Variants in ROBO1 observed in about 807,000 individuals in gnomAD.
The protein encoded by ROBO1 is roundabout homolog 1.
In ROBO1, 149 loss-of-function variants were observed where a neutral mutation model predicts 195.9. The observed-to-expected ratio is 0.76, with a 90% CI of 0.67 to 0.87. The LOEUF (loss-of-function observed/expected upper bound fraction) is 0.87. Ranked by LOEUF, ROBO1 falls within the 40% of genes least tolerant of loss-of-function variation. The pLI is 0.00. For synonymous variants in ROBO1, 816 were observed against 733.2 expected (o/e 1.11, Z -1.82); for missense variants, 1,933 against 2,068.3 (o/e 0.93, Z 1.27).
intron 26 of ROBO1, among the ~76,000 whole-genome samples, chr3:78,624,474 G>A (rs527945722): frequency 1.3e-5 from 2 of 152,158 alleles, no homozygotes; most frequent in East Asian, 3.9e-4. Flanking sequence ...GAGAAAGGCT[G>A]AAAATAGTCA....
At chr3:79,715,505 T>C (rs1213293962) in intron 1 of ROBO1, among the ~76,000 whole-genome samples, 1 of 152,114 alleles carries the variant, frequency 6.6e-6, no homozygotes, top group Non-Finnish European at 1.5e-5. Context: ...TTAACATATG[T>C]ACTTTTTTAG....
intron 2 of ROBO1, among the ~76,000 whole-genome samples, chr3:79,367,626 GATT>G (rs909625394): frequency 6.6e-5 from 10 of 152,260 alleles, no homozygotes; most frequent in African/African-American, 2.2e-4. Context: ...AAACATGGAT[GATT>G]ATAATAGACA....
At chr3:79,639,175 T>C (rs1291502895) in intron 1 of ROBO1, among the ~76,000 whole-genome samples, 1 of 152,184 alleles carries the variant, frequency 6.6e-6, no homozygotes, top group Non-Finnish European at 1.5e-5. Context: ...TATCTGAATA[T>C]CATAGAATAC....
intron 1 of ROBO1, among the ~76,000 whole-genome samples, chr3:79,756,593 G>C (rs984429203): frequency 1.3e-5 from 2 of 151,072 alleles, no homozygotes; most frequent in Admixed American, 1.3e-4. Context: ...TTTTTCTAAG[G>C]GGTAAGGATG....
At chr3:78,858,911 A>C (rs1157244229) in intron 4 of ROBO1, among the ~76,000 whole-genome samples, 2 of 152,332 alleles carry the variant, frequency 1.3e-5, no homozygotes, top group African/African-American at 4.8e-5. Context: ...CTAGGACTTA[A>C]AAAGTAATGA....
intron 3 of ROBO1, among the ~76,000 whole-genome samples, chr3:78,959,746 A>C (rs2041241054): frequency 6.6e-6 from 1 of 152,196 alleles, no homozygotes; most frequent in Non-Finnish European, 1.5e-5. Flanking sequence ...CCATCTAAAA[A>C]CTTCACAATG....
chr3:79,610,976 C>G (rs1944639348), intron 1 of ROBO1, among the ~76,000 whole-genome samples: 1 of 152,002 alleles, frequency 6.6e-6, no homozygotes, highest in Admixed American at 6.6e-5. Flanking sequence ...CAAAGCTGCA[C>G]AGTGATTGGC....
intron 1 of ROBO1, among the ~76,000 whole-genome samples, chr3:79,649,104 T>C (rs1945922369): frequency 6.6e-6 from 1 of 152,108 alleles, no homozygotes; most frequent in South Asian, 2.1e-4. Context: ...AAATCTATTA[T>C]GTTAGGATCT....
At chr3:78,677,116 C>A (rs960520444) in intron 10 of ROBO1, among the ~76,000 whole-genome samples, 15 of 152,106 alleles carry the variant, frequency 9.9e-5, no homozygotes, top group Non-Finnish European at 1.6e-4. Flanking sequence ...TTTAGACAAG[C>A]AAATGCTGAG....
chr3:78,683,399 A>C (rs1028021351), intron 10 of ROBO1, among the ~76,000 whole-genome samples: 1 of 152,112 alleles, frequency 6.6e-6, no homozygotes, highest in Non-Finnish European at 1.5e-5. Context: ...GGGTGTGTAC[A>C]TGTGAAATTT....
rs1702912297 is a variant in ROBO1, at chr3:78,597,718, CCT to C, written c.*1193_*1194del. ...CGACATTGGCCACAACAAACTTAAA[CCT>C]CTTTTTTTCTTTAAGTCCAGGAAAA... On this transcript the variant is annotated 3_prime_UTR_variant, in exon 31 of 31. Transcript: ENST00000464233. 1 of 152,370 alleles carries C rather than the reference CCT, an allele frequency of 6.6e-6. No homozygotes were observed. The highest frequency in any genetic ancestry group is 1.5e-5 in the Non-Finnish European group (1 of 67,968). The allele number at this position is 152,370 out of a possible 1,614,324, so 9.4% of individuals were successfully genotyped here.
rs570569205 is a variant in ROBO1, at chr3:79,759,449, C to T, written c.-51+8303G>A. ...TACAGTGAGTCATGCTTCTTCCTTC[C>T]AAGTACTGAAGTCCATTTCTAAGGT... is the stretch of plus-strand genomic sequence containing the variant. On this transcript the variant is annotated intron_variant, in intron 1 of 30. Transcript: ENST00000464233. Among the ~76,000 whole-genome samples the T allele has an allele frequency of 7.9e-5, 12 of 152,134 alleles. 1 individual carries two copies. Among genetic ancestry groups the T allele is most frequent in the Admixed American group, 7.9e-4 (12 of 15,264 alleles).
chr3:79,002,614 GCCAAGCTGCTAACCA>G lies in ROBO1; in HGVS notation c.173-63702_173-63688del, dbSNP rs1559579137. ...ATTAAATGAATGAATGACTCTAGAG[GCCAAGCTGCTAACCA>G]CCACATTACTCCATAAATACTATGA... On this transcript the variant is annotated intron_variant, in intron 3 of 30. Transcript: ENST00000464233. 3.3e-5 allele frequency among the ~76,000 whole-genome samples: 5 copies of G among 152,092 alleles called. No homozygotes were observed. In the South Asian group the frequency reaches 1.0e-3, roughly 32 times the overall value.
intron 26 of ROBO1, among the ~76,000 whole-genome samples, chr3:78,622,956 A>G (rs569577604): frequency 6.6e-6 from 1 of 152,336 alleles, no homozygotes; most frequent in East Asian, 1.9e-4. Flanking sequence ...AACTAAAGCC[A>G]TATGGATTGG....
intron 2 of ROBO1, among the ~76,000 whole-genome samples, chr3:79,303,936 G>A (rs1317626362): frequency 6.6e-6 from 1 of 151,988 alleles, no homozygotes; most frequent in Non-Finnish European, 1.5e-5. Context: ...GGACAGGTAA[G>A]AAAAAAGAAA....
At chr3:79,477,788 T>C (rs375266703) in intron 2 of ROBO1, among the ~76,000 whole-genome samples, 51 of 152,318 alleles carry the variant, frequency 3.3e-4, no homozygotes, top group African/African-American at 3.4e-4. Context: ...TTTAGGTACA[T>C]TATGTAATTA....
chr3:79,752,650 C>G (rs980139249), intron 1 of ROBO1, among the ~76,000 whole-genome samples: 11 of 151,982 alleles, frequency 7.2e-5, no homozygotes, highest in African/African-American at 2.7e-4. Context: ...AGCAGCACAG[C>G]TGATTGGCAT....
chr3:79,305,440 T>C (rs2033172593), intron 2 of ROBO1, among the ~76,000 whole-genome samples: 1 of 143,350 alleles, frequency 7.0e-6, no homozygotes, highest in African/African-American at 2.7e-5. Flanking sequence ...TGAGCCAAGA[T>C]TGAGCCACTG....
At chr3:79,264,128 T>C (rs2082990725) in intron 2 of ROBO1, among the ~76,000 whole-genome samples, 1 of 152,050 alleles carries the variant, frequency 6.6e-6, no homozygotes, top group African/African-American at 2.4e-5. Flanking sequence ...TAGTCCAAGC[T>C]TTGTACCATG....
Sources: allele counts gnomAD v4.1 joint callset (sites outside exome capture counted in the v4.1 genomes callset), GRCh38; gene constraint gnomAD v4.1.1; transcripts MANE v1.5; gene names NCBI Gene and HGNC (gene_info 2026-07-23, HGNC 2026-07-21).